Variants in DUSP3 observed in about 807,000 individuals in gnomAD.
DUSP3 encodes the protein dual specificity protein phosphatase 3.
In DUSP3, 7 loss-of-function variants were observed where a neutral mutation model predicts 15.5. That is an observed-to-expected ratio of 0.45 (90% confidence interval 0.26 to 0.85). The LOEUF is 0.85. Among genes scored for constraint, DUSP3 ranks in the 40% least tolerant of loss-of-function variants. DUSP3 has a pLI of 0.18. For synonymous variants in DUSP3, 86 were observed against 104.2 expected (o/e 0.83, Z 1.07); for missense variants, 209 against 251.7 (o/e 0.83, Z 1.15).
At position 43,774,879 on chromosome 17, in the gene DUSP3, G is replaced by A. The variant is rs757849378; in HGVS notation, c.185C>T (p.Ala62Val). ...QKLGITHVLNAAEGRSFMHVN... is the reference protein window; with the variant it reads ...QKLGITHVLNVAEGRSFMHVN... The stretch of plus-strand genomic sequence containing the variant: ...GTGCATGAAGGACCTGCCCTCAGCC[G>A]CGTTCAGCACATGGGTGATGCCTAG... The change falls in exon 2 of 3, where the codon GCG becomes GTG. Residue 62 changes from alanine to valine, a missense_variant. Coordinates refer to ENST00000226004, the MANE Select transcript of DUSP3 (RefSeq NM_004090.4). 30 of 1,614,090 alleles carry A rather than the reference G, an allele frequency of 1.9e-5. No homozygotes were observed. Among genetic ancestry groups the A allele is most frequent in the Admixed American group, 1.7e-5 (1 of 60,004 alleles).
intron 1 of DUSP3, among the ~76,000 whole-genome samples, chr17:43,775,206 C>T (rs180862851): frequency 2.0e-5 from 3 of 152,168 alleles, no homozygotes; most frequent in African/African-American, 4.8e-5. Flanking sequence ...TGGAGAAATG[C>T]GCCCTCTCAT....
intron 2 of DUSP3, among the ~76,000 whole-genome samples, chr17:43,770,772 T>C (rs1974307285): frequency 6.6e-6 from 1 of 151,618 alleles, no homozygotes; most frequent in East Asian, 1.9e-4. Context: ...GTTTCTTTTT[T>C]TTTGAGATGG....
intron 2 of DUSP3, chr17:43,773,945 C>T (rs1480766352): frequency 5.9e-6 from 1 of 170,164 alleles, no homozygotes; most frequent in Non-Finnish European, 1.3e-5. Context: ...ACTAAAAATA[C>T]AAAATTAGCC....
At chr17:43,770,733 G>A (rs1334896792) in intron 2 of DUSP3, among the ~76,000 whole-genome samples, 1 of 151,516 alleles carries the variant, frequency 6.6e-6, no homozygotes, top group Admixed American at 6.6e-5. Context: ...AGAGACTGGG[G>A]GTGCTTTCCA....
At chr17:43,777,382 T>A in intron 1 of DUSP3, 2 of 392,302 alleles carry the variant, frequency 5.1e-6, no homozygotes, top group Non-Finnish European at 1.0e-5. Flanking sequence ...GTGCTCAGAC[T>A]GGTGAATGAA....
chr17:43,774,111 T>TAA (rs556992898), intron 2 of DUSP3: 321 of 64,816 alleles, frequency 5.0e-3, no homozygotes, highest in South Asian at 0.012. Flanking sequence ...AAACTCCATC[T>TAA]AAAAAAAAAA....
chr17:43,775,053 G>A, intron 1 of DUSP3, 115 bp from the exon 2 acceptor site: 1 of 1,025,170 alleles, frequency 9.8e-7, no homozygotes, highest in Non-Finnish European at 1.5e-6. Flanking sequence ...CCATGCTCTG[G>A]CCCCTGCCAG....
intron 2 of DUSP3, among the ~76,000 whole-genome samples, chr17:43,770,429 A>G (rs1974301248): frequency 6.6e-6 from 1 of 151,404 alleles, no homozygotes; most frequent in Admixed American, 6.5e-5. Context: ...AGGCCAAGGC[A>G]ACTGGATCAC....
chr17:43,778,787 G>T lies in DUSP3; in HGVS notation c.125+13C>A. ...AGAGGGACGGCGGGGCCGGGCTCGC[G>T]AAAGGGACTCACGCGTTGCCCACGT... On this transcript the variant is annotated intron_variant, in intron 1 of 2. Coordinates refer to ENST00000226004, the MANE Select transcript of DUSP3 (RefSeq NM_004090.4). 2.0e-6 allele frequency: 3 copies of T among 1,520,062 alleles called. No homozygotes were observed. The highest frequency in any genetic ancestry group is 1.8e-6 in the Non-Finnish European group (2 of 1,134,634). The allele number at this position is 1,520,062 out of a possible 1,614,324, so 94.2% of individuals were successfully genotyped here. A position where few individuals can be genotyped will look rare whatever the true frequency, so the allele number is the denominator to read the frequency against.
Position 43,774,894 on chromosome 17 carries a change from G to T in DUSP3, c.170C>A (p.Thr57Asn), listed in dbSNP as rs1974368276. Reference protein sequence around the residue: ...DIPKLQKLGITHVLNAAEGRS... With the variant: ...DIPKLQKLGINHVLNAAEGRS... ...GCCCTCAGCCGCGTTCAGCACATGG[G>T]TGATGCCTAGTTTCTGCAGCTTGGG... Residue 57 changes from threonine (T) to asparagine (N), a missense_variant, in exon 2 of 3, where the codon ACC becomes AAC. Transcript: ENST00000226004. 8 of 1,614,118 alleles carry T rather than the reference G, an allele frequency of 5.0e-6. No individual in the cohort carries two copies. Among genetic ancestry groups the T allele is most frequent in the Non-Finnish European group, 5.9e-6 (7 of 1,180,056 alleles).
chr17:43,767,426 C>T lies in DUSP3; in HGVS notation c.*2183G>A, dbSNP rs1051858476. 10 of 152,640 alleles carry T rather than the reference C, an allele frequency of 6.6e-5. No homozygotes were observed. Among genetic ancestry groups the T allele is most frequent in the African/African-American group, 2.4e-4 (10 of 41,436 alleles). 9.5% of individuals were successfully genotyped at this position (152,640 alleles called of 1,614,324 possible). On this transcript the variant is annotated 3_prime_UTR_variant, in exon 3 of 3. Transcript: ENST00000226004. Reference sequence around the variant, plus strand: ...GGCTGGATTGAGGGTAAGTGCAGTACACCTGGAGATCCCAGGGAGCCCCCT... The same window carrying T: ...GGCTGGATTGAGGGTAAGTGCAGTATACCTGGAGATCCCAGGGAGCCCCCT...
chr17:43,771,725 A>G (rs767396600), intron 2 of DUSP3, among the ~76,000 whole-genome samples: 3 of 151,422 alleles, frequency 2.0e-5, no homozygotes, highest in Non-Finnish European at 2.9e-5. Flanking sequence ...AGAGCAAGAA[A>G]TGGCCGGACA....
At chr17:43,774,619 G>T in intron 2 of DUSP3, 93 bp downstream of exon 2, 1 of 1,355,160 alleles carries the variant, frequency 7.4e-7, no homozygotes, top group Non-Finnish European at 1.0e-6. Flanking sequence ...AAACAAGGGA[G>T]TTTCTAAGAA....
intron 1 of DUSP3, 143 bp downstream of exon 1, chr17:43,778,657 T>C: frequency 8.4e-7 from 1 of 1,186,500 alleles, no homozygotes; most frequent in Non-Finnish European, 1.1e-6. Flanking sequence ...TCCAGGCCCC[T>C]CCCAAGCCCC....
chr17:43,778,967 C>G lies in DUSP3; in HGVS notation c.-43G>C. On this transcript the variant is annotated 5_prime_UTR_variant, in exon 1 of 3. Transcript: ENST00000226004. ...GCACGCCCGGCAGGAGCAAGCGAGGCGGAGAGCGGCGGATCAGCTGGGCGG... is the reference window on the plus strand; with the variant it reads ...GCACGCCCGGCAGGAGCAAGCGAGGGGGAGAGCGGCGGATCAGCTGGGCGG... 2 of 1,313,592 alleles carry G rather than the reference C, an allele frequency of 1.5e-6. No homozygotes were observed. The highest frequency in any genetic ancestry group is 9.8e-7 in the Non-Finnish European group (1 of 1,024,840). The allele number at this position is 1,313,592 out of a possible 1,614,324, so 81.4% of individuals were successfully genotyped here.
intron 1 of DUSP3, chr17:43,777,588 T>C (rs1974405210): frequency 4.4e-6 from 2 of 455,310 alleles, no homozygotes; most frequent in Non-Finnish European, 8.8e-6. Flanking sequence ...CACCATTTCC[T>C]CCTCTGTAAA....
In DUSP3 at chr17:43,769,409, G is replaced by A; in HGVS notation, c.*200C>T. The A allele has an allele frequency of 1.7e-6, 1 of 580,340 alleles. No homozygotes were observed. Among genetic ancestry groups the A allele is most frequent in the Non-Finnish European group, 3.0e-6 (1 of 336,482 alleles). The allele number at this position is 580,340 out of a possible 1,614,324, so 35.9% of individuals were successfully genotyped here. On this transcript the variant is annotated 3_prime_UTR_variant, in exon 3 of 3. Transcript: ENST00000226004. ...CAGAAACAGGACAACTGGGGAGCAA[G>A]GACGCCCCCCTTGGCAAGCTTCTTT...
rs774103710 is a variant in DUSP3, at chr17:43,774,821, G to A, written c.243C>T (p.Ser81=). 8.5e-5 allele frequency: 137 copies of A among 1,614,034 alleles called. No homozygotes were observed. The highest frequency in any genetic ancestry group is 6.6e-4 in the Middle Eastern group (4 of 6,084). The change falls in exon 2 of 3, where the codon TCC becomes TCT. Residue 81 remains serine (S), a synonymous_variant. Transcript: ENST00000226004. Reference sequence around the variant, plus strand: ...CCTTGATGCCCAGGTATGTGATGCCGGAGTCCTTGTAGAAGTTGGCATTGG... The same window carrying A: ...CCTTGATGCCCAGGTATGTGATGCCAGAGTCCTTGTAGAAGTTGGCATTGG... ...VNTNANFYKD[S]GITYLGIKAN...
Position 43,774,723 on chromosome 17 carries a change from G to A in DUSP3, c.341C>T (p.Ala114Val), listed in dbSNP as rs1367899408. ...RAADFIDQAL[A>V]QKNGRVLVHC... ...GGGAGGTCCCTTACCATTCTTTTGA[G>A]CCAAAGCCTGGTCAATGAAGTCGGC... Residue 114 changes from alanine to valine, a missense_variant, in exon 2 of 3, where the codon GCT (alanine) becomes GTT (valine). Physicochemically the swap from Ala to Val is moderately conservative, Grantham distance 64. Transcript: ENST00000226004. The A allele has an allele frequency of 3.1e-6, 5 of 1,614,042 alleles. No homozygotes were observed. In the African/African-American group the frequency reaches 6.7e-5, roughly 22 times the overall value.
Sources: allele counts gnomAD v4.1 joint callset (sites outside exome capture counted in the v4.1 genomes callset), GRCh38; gene constraint gnomAD v4.1.1; transcripts MANE v1.5; gene names NCBI Gene and HGNC (gene_info 2026-07-23, HGNC 2026-07-21).